FOSL1: variants seen among roughly 807,000 people sequenced by gnomAD.
FOSL1 encodes the protein fos-related antigen 1.
FOSL1 carries 14 observed loss-of-function variants against 24.9 expected under a neutral mutation model. The observed-to-expected ratio is 0.56, with a 90% CI of 0.37 to 0.88. The LOEUF is 0.88. FOSL1 is among the 40% of genes least tolerant of loss of function. FOSL1 has a pLI of 0.00. For synonymous variants in FOSL1, 133 were observed against 145.1 expected (o/e 0.92, Z 0.60); for missense variants, 318 against 359.8 (o/e 0.88, Z 0.94).
chr11:65,894,807 C>T (rs988307614), intron 2 of FOSL1, among the ~76,000 whole-genome samples: 7 of 152,026 alleles, frequency 4.6e-5, no homozygotes, highest in Admixed American at 2.0e-4. Context: ...CAGGCATGTA[C>T]CACCACACCT....
At chr11:65,899,230 A>G (rs1860608060) in intron 1 of FOSL1, among the ~76,000 whole-genome samples, 1 of 152,124 alleles carries the variant, frequency 6.6e-6, no homozygotes, top group African/African-American at 2.4e-5. Context: ...GGAAGCGCCC[A>G]CAAGCCCAGG....
At chr11:65,899,121 C>T (rs1860605808) in intron 1 of FOSL1, among the ~76,000 whole-genome samples, 1 of 152,116 alleles carries the variant, frequency 6.6e-6, no homozygotes, top group Admixed American at 6.5e-5. Flanking sequence ...TTCTATCAGC[C>T]AGCTATCTGA....
rs140832940 is a variant in FOSL1 at position 65,897,773 on chromosome 11, G to A, written c.100-767C>T. ...ATTACAGCTCCCAGCTCAAGGGGAG[G>A]CTGTGAGAATCAGGTGAGAGAATGT... On this transcript the variant is annotated intron_variant, in intron 1 of 3. Transcript: ENST00000312562. 5.4e-4 allele frequency among the ~76,000 whole-genome samples: 83 copies of A among 152,294 alleles called. 1 individual carries two copies. The East Asian group carries it at 0.014, about 27-fold the overall frequency.
upstream of FOSL1, chr11:65,900,476 C>A (rs1860650279): frequency 2.2e-6 from 1 of 445,382 alleles, no homozygotes; most frequent in South Asian, 1.2e-4. Context: ...GGCGTTGCAG[C>A]GGCGCGGTCA....
intron 2 of FOSL1, among the ~76,000 whole-genome samples, chr11:65,895,297 G>C (rs1009059573): frequency 1.3e-5 from 2 of 151,652 alleles, no homozygotes; most frequent in Admixed American, 6.6e-5. Context: ...CTAATTTTTT[G>C]TATTTTTTAG....
chr11:65,897,110 C>T, intron 1 of FOSL1, 104 bp from the exon 2 acceptor site: 2 of 840,136 alleles, frequency 2.4e-6, no homozygotes, highest in Admixed American at 2.2e-5. Flanking sequence ...TACAGGCTAG[C>T]TCTGGGAACA....
intron 3 of FOSL1, 55 bp from the exon 4 acceptor site, chr11:65,893,351 G>A: frequency 4.8e-6 from 7 of 1,461,540 alleles, no homozygotes; most frequent in Admixed American, 4.0e-5. Flanking sequence ...CCCCAGAGCC[G>A]CAGACGTTTG....
chr11:65,893,318 G>C lies in FOSL1; in HGVS notation c.406-22C>G, dbSNP rs747333480. ...TCTCCTGTAGAAGATCAGGAGAGGA[G>C]TCAGAAAGGTGAGGGCTGAATACCC... is the stretch of plus-strand genomic sequence containing the variant. On this transcript the variant is annotated intron_variant, in intron 3 of 3. Transcript: ENST00000312562. 1.3e-5 allele frequency: 21 copies of C among 1,573,486 alleles called. No individual in the cohort carries two copies. In the East Asian group the frequency reaches 4.7e-4, roughly 35 times the overall value.
intron 2 of FOSL1, among the ~76,000 whole-genome samples, chr11:65,896,038 GT>G (rs796312259): frequency 1.6e-4 from 24 of 152,176 alleles, no homozygotes; most frequent in African/African-American, 5.8e-4. Context: ...ATTTTATTTT[GT>G]TTTTTCGGTA....
At chr11:65,894,846 G>A (rs1487425996) in intron 2 of FOSL1, among the ~76,000 whole-genome samples, 3 of 151,848 alleles carry the variant, frequency 2.0e-5, no homozygotes, top group East Asian at 1.9e-4. Flanking sequence ...TAGTAGAGAC[G>A]AGGTTTCACC....
chr11:65,892,876 C>T lies in FOSL1; in HGVS notation c.*10G>A. On this transcript the variant is annotated 3_prime_UTR_variant, in exon 4 of 4. Coordinates refer to ENST00000312562, the MANE Select transcript of FOSL1 (RefSeq NM_005438.5). ...AGGGTGGCATCTGCAGGGAGTAGGGCTCAGGCGCCTCACAAAGCGAGGAGG... is the reference window on the plus strand; with the variant it reads ...AGGGTGGCATCTGCAGGGAGTAGGGTTCAGGCGCCTCACAAAGCGAGGAGG... 1 of 1,608,834 alleles carries T rather than the reference C, an allele frequency of 6.2e-7. No homozygotes were observed. The highest frequency in any genetic ancestry group is 1.1e-5 in the South Asian group (1 of 90,482).
rs1048224470 is a variant in FOSL1, at chr11:65,895,568, A to G, written c.297+1241T>C. ...AGTGACAGGCCAGATGAGAGAGACC[A>G]TTTCACCAAAAGGATCCAACTCACA... On this transcript the variant is annotated intron_variant, in intron 2 of 3. Coordinates refer to ENST00000312562, the MANE Select transcript of FOSL1 (RefSeq NM_005438.5). 3.3e-5 allele frequency among the ~76,000 whole-genome samples: 5 copies of G among 152,162 alleles called. No homozygotes were observed. In the South Asian group the frequency reaches 6.2e-4, roughly 19 times the overall value.
intron 3 of FOSL1, among the ~76,000 whole-genome samples, chr11:65,893,619 C>T (rs535297242): frequency 2.0e-5 from 3 of 152,218 alleles, no homozygotes; most frequent in East Asian, 1.9e-4. Context: ...GGCGAAACCC[C>T]GTCTCTACTA....
chr11:65,893,254 C>G lies in FOSL1; in HGVS notation c.448G>C (p.Glu150Gln). ...LEDEKSGLQREIEELQKQKER... is the reference protein window; with the variant it reads ...LEDEKSGLQRQIEELQKQKER... Reference sequence around the variant, plus strand: ...TTCTGCTTCTGCAGCTCCTCAATCTCTCGCTGCAGCCCAGATTTCTCATCT... The same window carrying G: ...TTCTGCTTCTGCAGCTCCTCAATCTGTCGCTGCAGCCCAGATTTCTCATCT... Residue 150 changes from glutamate (E) to glutamine (Q), a missense_variant, in exon 4 of 4, where the codon GAG becomes CAG. Glu to Gln is a conservative substitution (Grantham distance 29). Coordinates refer to ENST00000312562, the MANE Select transcript of FOSL1 (RefSeq NM_005438.5). 6.2e-7 allele frequency: 1 copy of G among 1,613,478 alleles called. No homozygotes were observed. Among genetic ancestry groups the G allele is most frequent in the South Asian group, 1.1e-5 (1 of 91,068 alleles).
chr11:65,900,437 G>A, upstream of FOSL1: 1 of 674,066 alleles, frequency 1.5e-6, no homozygotes, highest in Non-Finnish European at 2.1e-6. Context: ...AAGTTCTCGG[G>A]CTGAACCACT....
At chr11:65,900,123 A>G in intron 1 of FOSL1, 118 bp downstream of exon 1, 2 of 471,898 alleles carry the variant, frequency 4.2e-6, no homozygotes, top group East Asian at 7.2e-5. Flanking sequence ...TCCTCGCCCC[A>G]GCCCCCAGCC....
chr11:65,899,749 C>T (rs1406309220), intron 1 of FOSL1, among the ~76,000 whole-genome samples: 3 of 152,174 alleles, frequency 2.0e-5, no homozygotes, highest in African/African-American at 7.2e-5. Flanking sequence ...GACGGACGGA[C>T]ACGCGGAGGG....
intron 1 of FOSL1, 149 bp downstream of exon 1, chr11:65,900,092 C>T (rs1182695850): frequency 2.4e-6 from 1 of 410,342 alleles, no homozygotes; most frequent in Non-Finnish European, 4.2e-6. Flanking sequence ...GGCAACTGGC[C>T]CCGGACGGCG....
In FOSL1 at chr11:65,893,994, G is replaced by A. The variant is rs1860460192; in HGVS notation, c.405+20C>T. The stretch of plus-strand genomic sequence containing the variant: ...GAGACAGGGTCCCTCTGAGCTCGGT[G>A]GACCAGGGCTGGTGCTCACCGCCTG... On this transcript the variant is annotated intron_variant, in intron 3 of 3. Coordinates refer to ENST00000312562, the MANE Select transcript of FOSL1 (RefSeq NM_005438.5). 2 of 1,535,454 alleles carry A rather than the reference G, an allele frequency of 1.3e-6. No homozygotes were observed. Among genetic ancestry groups the A allele is most frequent in the African/African-American group, 1.4e-5 (1 of 73,122 alleles).
Sources: allele counts gnomAD v4.1 joint callset (sites outside exome capture counted in the v4.1 genomes callset), GRCh38; gene constraint gnomAD v4.1.1; transcripts MANE v1.5; gene names NCBI Gene and HGNC (gene_info 2026-07-23, HGNC 2026-07-21).